The following KIAA1328 variants were observed in gnomAD, a reference collection of about 807,000 sequenced individuals.
KIAA1328 encodes KIAA1328.
Under a neutral mutation model 68.1 loss-of-function variants are expected in KIAA1328, and 52 were observed. That is an observed-to-expected ratio of 0.76 (90% confidence interval 0.61 to 0.96). KIAA1328 has a LOEUF of 0.96. Among genes scored for constraint, KIAA1328 ranks in the 40% least tolerant of loss-of-function variants. The pLI is 0.00. For synonymous variants in KIAA1328, 232 were observed against 239.4 expected, an observed-to-expected ratio of 0.97 and a Z score of 0.28; for missense variants, 641 against 677.6, an observed-to-expected ratio of 0.95 and a Z score of 0.60.
At chr18:37,147,981 T>A (rs1416026366) in intron 7 of KIAA1328, among the ~76,000 whole-genome samples, 1 of 152,234 alleles carries the variant, frequency 6.6e-6, no homozygotes, top group East Asian at 1.9e-4. Flanking sequence ...CTTTATATTT[T>A]TATTTTTATT....
intron 5 of KIAA1328, among the ~76,000 whole-genome samples, chr18:36,900,887 T>A (rs1568140444): frequency 6.6e-6 from 1 of 152,026 alleles, no homozygotes; most frequent in Non-Finnish European, 1.5e-5. Context: ...AAGGAAATTT[T>A]AAAAAATCCA....
At chr18:37,048,339 T>C (rs1009806802) in intron 6 of KIAA1328, among the ~76,000 whole-genome samples, 1 of 152,194 alleles carries the variant, frequency 6.6e-6, no homozygotes, top group Admixed American at 6.5e-5. Flanking sequence ...CTTCTGAATG[T>C]AATGCTGTAT....
chr18:37,195,972 TC>T (rs1303442714), intron 9 of KIAA1328, among the ~76,000 whole-genome samples: 1 of 152,210 alleles, frequency 6.6e-6, no homozygotes, highest in Non-Finnish European at 1.5e-5. Context: ...CTCTTCAATT[TC>T]TTTCATCAGT....
chr18:37,208,198 C>G (rs2060252038), intron 9 of KIAA1328, among the ~76,000 whole-genome samples: 2 of 152,148 alleles, frequency 1.3e-5, no homozygotes, highest in South Asian at 4.1e-4. Context: ...CCTCCTCCCC[C>G]TACATTGGTC....
intron 6 of KIAA1328, among the ~76,000 whole-genome samples, chr18:36,959,677 T>A (rs953179143): frequency 4.6e-5 from 7 of 152,192 alleles, no homozygotes; most frequent in Non-Finnish European, 8.8e-5. Flanking sequence ...AGCTTCTGGT[T>A]GTATGAAAGC....
intron 5 of KIAA1328, among the ~76,000 whole-genome samples, chr18:36,900,237 A>C (rs1315850247): frequency 1.3e-5 from 2 of 151,996 alleles, no homozygotes; most frequent in Non-Finnish European, 2.9e-5. Flanking sequence ...TTTTACATAA[A>C]GGTTAGCCCT....
intron 9 of KIAA1328, among the ~76,000 whole-genome samples, chr18:37,200,674 G>T (rs907891244): frequency 6.6e-6 from 1 of 151,812 alleles, no homozygotes; most frequent in African/African-American, 2.4e-5. Context: ...AGCCGGGCGC[G>T]GTGGCGGGCG....
chr18:37,002,723 T>C lies in KIAA1328; in HGVS notation c.576+43288T>C, dbSNP rs1221656807. Among the ~76,000 whole-genome samples the C allele has an allele frequency of 4.6e-5, 7 of 152,034 alleles. No homozygotes were observed. In the East Asian group the frequency reaches 1.2e-3, roughly 25 times the overall value. ...ACAAGAAACAAAAAACATCCCACGG[T>C]CATGGATTGGAAGAATTAATGTCAT... On this transcript the variant is annotated intron_variant, in intron 6 of 9. Transcript: ENST00000280020.
chr18:36,905,139 T>C (rs2049172819), intron 5 of KIAA1328, among the ~76,000 whole-genome samples: 1 of 151,444 alleles, frequency 6.6e-6, no homozygotes, highest in Admixed American at 6.6e-5. Flanking sequence ...TGAGACGGAG[T>C]CTTGCTCTGT....
At chr18:37,074,375 T>A (rs2056638354) in intron 7 of KIAA1328, among the ~76,000 whole-genome samples, 1 of 152,208 alleles carries the variant, frequency 6.6e-6, no homozygotes, top group South Asian at 2.1e-4. Context: ...AGATTTTTAG[T>A]TGTACAGGGG....
intron 5 of KIAA1328, chr18:36,924,060 G>C (rs1324494337): frequency 1.3e-5 from 2 of 152,182 alleles, no homozygotes; most frequent in Non-Finnish European, 2.9e-5. Flanking sequence ...ACACCAGCTA[G>C]GGTAGAGAGG....
chr18:37,158,453 AG>A (rs578007125), intron 7 of KIAA1328, among the ~76,000 whole-genome samples: 4 of 152,156 alleles, frequency 2.6e-5, no homozygotes, highest in Non-Finnish European at 4.4e-5. Context: ...TTGTAGCCCT[AG>A]GAAAAAATCC....
At chr18:37,111,302 C>G (rs1318282250) in intron 7 of KIAA1328, among the ~76,000 whole-genome samples, 1 of 152,140 alleles carries the variant, frequency 6.6e-6, no homozygotes, top group African/African-American at 2.4e-5. Flanking sequence ...TCAGGTCTGC[C>G]TTTAAGGCTT....
At chr18:36,922,226 G>T (rs1238792448) in intron 5 of KIAA1328, among the ~76,000 whole-genome samples, 1 of 152,098 alleles carries the variant, frequency 6.6e-6, no homozygotes, top group African/African-American at 2.4e-5. Flanking sequence ...TGTTTGCTGT[G>T]TCTAGAATGT....
At chr18:37,040,218 A>T (rs1483679696) in intron 6 of KIAA1328, among the ~76,000 whole-genome samples, 2 of 152,232 alleles carry the variant, frequency 1.3e-5, no homozygotes, top group Non-Finnish European at 2.9e-5. Flanking sequence ...TAGTAGCAAC[A>T]AAGATGAAGA....
At chr18:36,931,831 C>CT (rs2050320882) in intron 5 of KIAA1328, among the ~76,000 whole-genome samples, 1 of 16,928 alleles carries the variant, frequency 5.9e-5, no homozygotes, top group South Asian at 0.038. Context: ...TTAGCTATTT[C>CT]ATTTTTTTAA....
intron 5 of KIAA1328, among the ~76,000 whole-genome samples, chr18:36,952,402 G>T (rs1423364141): frequency 6.6e-6 from 1 of 151,894 alleles, no homozygotes; most frequent in East Asian, 1.9e-4. Context: ...TCTAAGCCTT[G>T]ATGTCTTTTT....
At chr18:37,035,419 A>C (rs184890422) in intron 6 of KIAA1328, among the ~76,000 whole-genome samples, 62 of 152,338 alleles carry the variant, frequency 4.1e-4, no homozygotes, top group African/African-American at 1.4e-3. Flanking sequence ...TCATGAACAC[A>C]AAAGTTTGAG....
chr18:36,860,891 GA>G (rs1263296022), intron 4 of KIAA1328, among the ~76,000 whole-genome samples: 1 of 151,986 alleles, frequency 6.6e-6, no homozygotes, highest in African/African-American at 2.4e-5. Flanking sequence ...TTATGATATG[GA>G]AAAAAATCTC....
Sources: gnomAD v4.1 joint callset for allele counts (sites outside exome capture counted in the v4.1 genomes callset) on GRCh38, gnomAD v4.1.1 for gene constraint, MANE v1.5 for transcripts, NCBI Gene and HGNC (gene_info 2026-07-23, HGNC 2026-07-21) for gene names.